OPCML: variants seen among roughly 807,000 people sequenced by gnomAD.
The protein encoded by OPCML is opioid binding protein/cell adhesion molecule like.
Under a neutral mutation model 37.8 loss-of-function variants are expected in OPCML, and 13 were observed. The observed-to-expected ratio is 0.34, with a 90% confidence interval of 0.22 to 0.55. The LOEUF (loss-of-function observed/expected upper bound fraction) is 0.55. Among genes scored for constraint, OPCML ranks in the 20% least tolerant of loss-of-function variants. The pLI is 0.91. For synonymous variants in OPCML, 176 were observed against 168.8 expected, an observed-to-expected ratio of 1.04 and a Z score of -0.33; for missense variants, 341 against 435.6, an observed-to-expected ratio of 0.78 and a Z score of 1.93.
At chr11:133,371,941 G>A (rs1234047440) in intron 1 of OPCML, among the ~76,000 whole-genome samples, 1 of 152,176 alleles carries the variant, frequency 6.6e-6, no homozygotes, top group Non-Finnish European at 1.5e-5. Flanking sequence ...AATATTGCAT[G>A]TTGTTACTTA....
intron 1 of OPCML, among the ~76,000 whole-genome samples, chr11:132,985,513 C>T (rs934197627): frequency 6.6e-6 from 1 of 152,238 alleles, no homozygotes; most frequent in Non-Finnish European, 1.5e-5. Flanking sequence ...AAAGAAAGCA[C>T]AGTCACCTCA....
chr11:133,075,093 C>T (rs901504058), intron 1 of OPCML, among the ~76,000 whole-genome samples: 2 of 152,104 alleles, frequency 1.3e-5, no homozygotes, highest in Admixed American at 6.5e-5. Flanking sequence ...GCCCTGTCAG[C>T]GTAGCTGCAT....
chr11:132,695,280 C>T (rs1028561386), intron 2 of OPCML, among the ~76,000 whole-genome samples: 7 of 152,076 alleles, frequency 4.6e-5, no homozygotes, highest in African/African-American at 1.2e-4. Context: ...TCCTGAAATA[C>T]GATATGCTGC....
chr11:132,890,055 A>C (rs1943582408), intron 2 of OPCML, among the ~76,000 whole-genome samples: 1 of 152,206 alleles, frequency 6.6e-6, no homozygotes, highest in South Asian at 2.1e-4. Context: ...ATCATCCGCA[A>C]GGCAACTTTT....
intron 1 of OPCML, among the ~76,000 whole-genome samples, chr11:133,458,112 C>T (rs1379608589): frequency 6.6e-6 from 1 of 151,676 alleles, no homozygotes. Flanking sequence ...TACCATTGCA[C>T]TCCAGCCTGG....
intron 2 of OPCML, among the ~76,000 whole-genome samples, chr11:132,788,452 C>A (rs1021030599): frequency 6.6e-6 from 1 of 152,184 alleles, no homozygotes; most frequent in East Asian, 1.9e-4. Context: ...AAGGATAACA[C>A]AATCTCTCTC....
intron 1 of OPCML, among the ~76,000 whole-genome samples, chr11:132,946,914 A>G (rs1945756950): frequency 1.3e-5 from 2 of 152,196 alleles, no homozygotes; most frequent in Admixed American, 1.3e-4. Context: ...CAGACGGGAA[A>G]GGCTCTTTTT....
chr11:132,545,440 CA>C (rs370302767), intron 3 of OPCML, among the ~76,000 whole-genome samples: 29 of 152,292 alleles, frequency 1.9e-4, no homozygotes, highest in African/African-American at 7.0e-4. Context: ...ACCAGGTACT[CA>C]GCCTTCCCCA....
intron 1 of OPCML, among the ~76,000 whole-genome samples, chr11:133,336,163 C>T (rs1196590680): frequency 2.0e-4 from 30 of 152,178 alleles, no homozygotes; most frequent in Admixed American, 2.0e-3. Context: ...GTGAAGGCCG[C>T]ATGATACAGA....
chr11:133,428,122 G>A (rs766866130), intron 1 of OPCML, among the ~76,000 whole-genome samples: 3 of 152,034 alleles, frequency 2.0e-5, no homozygotes, highest in Non-Finnish European at 2.9e-5. Flanking sequence ...CACTGCAACC[G>A]TTTATTTAGT....
At chr11:133,010,134 G>A (rs780198857) in intron 1 of OPCML, among the ~76,000 whole-genome samples, 1 of 152,170 alleles carries the variant, frequency 6.6e-6, no homozygotes, top group East Asian at 1.9e-4. Context: ...CAGCTCAGAA[G>A]TCTCCTCCAT....
At chr11:133,008,423 T>C (rs1054419556) in intron 1 of OPCML, 1 of 985,338 alleles carries the variant, frequency 1.0e-6, no homozygotes, top group African/African-American at 1.7e-5. Context: ...CCTTTTCTGA[T>C]TTTTTTCTTT....
intron 1 of OPCML, chr11:133,118,335 C>G: frequency 1.0e-6 from 1 of 985,358 alleles, no homozygotes; most frequent in Non-Finnish European, 1.2e-6. Flanking sequence ...AGGGCCCAGG[C>G]TGGTGCAAGG....
chr11:133,300,337 T>C (rs1007275279), intron 1 of OPCML: 17 of 150,590 alleles, frequency 1.1e-4, no homozygotes, highest in Non-Finnish European at 2.1e-4. Flanking sequence ...TTGTGTGAAC[T>C]CTATATTCAA....
At chr11:132,632,994 T>C (rs1352096481) in intron 3 of OPCML, among the ~76,000 whole-genome samples, 1 of 148,512 alleles carries the variant, frequency 6.7e-6, no homozygotes, top group Non-Finnish European at 1.5e-5. Context: ...ATTCCCTGAG[T>C]GCCTCATGAC....
chr11:132,918,724 A>T (rs565479132), intron 2 of OPCML, among the ~76,000 whole-genome samples: 19 of 152,238 alleles, frequency 1.2e-4, no homozygotes, highest in Non-Finnish European at 2.5e-4. Flanking sequence ...CATTTAAGTT[A>T]CAAAGGCTAT....
intron 2 of OPCML, among the ~76,000 whole-genome samples, chr11:132,717,909 C>T (rs1289967935): frequency 2.6e-5 from 4 of 152,176 alleles, no homozygotes; most frequent in Non-Finnish European, 4.4e-5. Context: ...ATCTTCAATC[C>T]GTCAAGTTTA....
chr11:133,250,099 T>C (rs1362080212), intron 1 of OPCML, among the ~76,000 whole-genome samples: 1 of 152,234 alleles, frequency 6.6e-6, no homozygotes, highest in African/African-American at 2.4e-5. Context: ...TTTTGGTGGA[T>C]AATAGGTACT....
At chr11:132,431,011 C>A (rs1433237792) in intron 7 of OPCML, among the ~76,000 whole-genome samples, 2 of 152,306 alleles carry the variant, frequency 1.3e-5, no homozygotes, top group East Asian at 3.9e-4. Flanking sequence ...CTGTGGTCAG[C>A]AAGCTGAAAC....
Sources: gnomAD v4.1 joint callset for allele counts (sites outside exome capture counted in the v4.1 genomes callset) on GRCh38, gnomAD v4.1.1 for gene constraint, MANE v1.5 for transcripts, NCBI Gene and HGNC (gene_info 2026-07-23, HGNC 2026-07-21) for gene names.